RABGAP1L: variants seen among roughly 807,000 people sequenced by gnomAD.
RABGAP1L encodes rab GTPase-activating protein 1-like.
Under a neutral mutation model 137.7 loss-of-function variants are expected in RABGAP1L, and 63 were observed. That is an observed-to-expected ratio of 0.46 (90% confidence interval 0.37 to 0.56). RABGAP1L has a LOEUF of 0.56. Among genes scored for constraint, RABGAP1L ranks in the 20% least tolerant of loss-of-function variants. RABGAP1L has a pLI of 0.00. For missense variants in RABGAP1L, 1,095 were observed against 1,244.0 expected (o/e 0.88, Z 1.80); for synonymous variants, 431 against 433.7 (o/e 0.99, Z 0.08).
At chr1:174,175,992 G>C (rs1325764134) in intron 1 of RABGAP1L, among the ~76,000 whole-genome samples, 1 of 152,100 alleles carries the variant, frequency 6.6e-6, no homozygotes, top group Non-Finnish European at 1.5e-5. Flanking sequence ...CATTGTTTTA[G>C]ATTTTGCAAA....
chr1:174,265,388 A>G (rs1333878094), intron 7 of RABGAP1L, among the ~76,000 whole-genome samples: 1 of 152,134 alleles, frequency 6.6e-6, no homozygotes, highest in Non-Finnish European at 1.5e-5. Context: ...ATATTTTAAA[A>G]TCTGACTGTA....
At chr1:174,656,380 C>T (rs1023631756) in intron 14 of RABGAP1L, among the ~76,000 whole-genome samples, 3 of 151,722 alleles carry the variant, frequency 2.0e-5, no homozygotes, top group African/African-American at 4.8e-5. Flanking sequence ...ATCACTTAAA[C>T]CTGGGAGGCA....
chr1:174,599,205 A>G (rs1293500867), intron 13 of RABGAP1L, among the ~76,000 whole-genome samples: 2 of 152,250 alleles, frequency 1.3e-5, no homozygotes, highest in Non-Finnish European at 2.9e-5. Flanking sequence ...CAAACGAAAA[A>G]GCAGAAGGAA....
chr1:174,613,237 A>G (rs537311879), intron 13 of RABGAP1L, among the ~76,000 whole-genome samples: 4,527 of 151,962 alleles, frequency 0.03, 98 homozygotes, highest in Non-Finnish European at 0.044. Flanking sequence ...AATGTGTCCC[A>G]GAGATTCTGG....
intron 18 of RABGAP1L, among the ~76,000 whole-genome samples, chr1:174,787,393 ACT>A (rs1283875361): frequency 8.2e-6 from 1 of 122,598 alleles, no homozygotes; most frequent in Non-Finnish European, 1.8e-5. Context: ...ACAGAGCAAG[ACT>A]CTGTGTCAAA....
chr1:174,178,848 G>A (rs12087808), intron 1 of RABGAP1L, among the ~76,000 whole-genome samples: 44,788 of 151,992 alleles, frequency 0.29, 7,029 homozygotes, highest in African/African-American at 0.37. Context: ...GGGAGGCAAG[G>A]GAAGGGAGAG....
intron 14 of RABGAP1L, among the ~76,000 whole-genome samples, chr1:174,653,687 G>A (rs1288059984): frequency 6.6e-6 from 1 of 152,204 alleles, no homozygotes; most frequent in African/African-American, 2.4e-5. Context: ...GCTGGGAGCT[G>A]CAGACTGGAG....
At chr1:174,551,702 GA>G (rs952952255) in intron 13 of RABGAP1L, among the ~76,000 whole-genome samples, 15 of 151,318 alleles carry the variant, frequency 9.9e-5, no homozygotes, top group African/African-American at 3.6e-4. Flanking sequence ...AGAAATCGAA[GA>G]AATTGAAAAT....
At chr1:174,493,821 G>GAAA (rs1216753395) in intron 13 of RABGAP1L, among the ~76,000 whole-genome samples, 3,542 of 89,486 alleles carry the variant, frequency 0.04, 88 homozygotes, top group East Asian at 0.14. Flanking sequence ...GACCCTGTCT[G>GAAA]AAAAAAAAAA....
intron 13 of RABGAP1L, among the ~76,000 whole-genome samples, chr1:174,491,738 T>C (rs1660257165): frequency 6.6e-6 from 1 of 152,196 alleles, no homozygotes; most frequent in African/African-American, 2.4e-5. Context: ...TGGCAAGGCT[T>C]GCTGGAACTC....
chr1:174,530,646 C>G (rs1664309034), intron 13 of RABGAP1L, among the ~76,000 whole-genome samples: 1 of 152,148 alleles, frequency 6.6e-6, no homozygotes, highest in Admixed American at 6.5e-5. Context: ...CCCTTCCTTT[C>G]TCCTTGCTTT....
intron 11 of RABGAP1L, among the ~76,000 whole-genome samples, chr1:174,349,853 C>T (rs1408670663): frequency 4.0e-5 from 5 of 125,936 alleles, no homozygotes; most frequent in African/African-American, 6.0e-5. Flanking sequence ...GCTGGCCGGG[C>T]GGGGCGCTGA....
At chr1:174,674,635 T>C (rs1326791798) in intron 14 of RABGAP1L, among the ~76,000 whole-genome samples, 2 of 151,026 alleles carry the variant, frequency 1.3e-5, no homozygotes, top group Non-Finnish European at 3.0e-5. Flanking sequence ...ATGGTATTTC[T>C]AGTTCTAGAT....
chr1:174,704,349 A>G (rs2148531767), intron 17 of RABGAP1L, among the ~76,000 whole-genome samples: 1 of 152,348 alleles, frequency 6.6e-6, no homozygotes, highest in South Asian at 2.1e-4. Context: ...TAAAAATAAG[A>G]TTTAAAAGAT....
chr1:174,651,418 T>C (rs908605758), intron 14 of RABGAP1L, among the ~76,000 whole-genome samples: 3 of 152,168 alleles, frequency 2.0e-5, no homozygotes, highest in African/African-American at 7.2e-5. Context: ...TTGATCTGTC[T>C]AATGTTGACA....
chr1:174,819,151 C>G (rs542739571), intron 19 of RABGAP1L, among the ~76,000 whole-genome samples: 3 of 141,642 alleles, frequency 2.1e-5, no homozygotes, highest in Non-Finnish European at 4.5e-5. Flanking sequence ...TCATTGCATT[C>G]CAGCCCAGGT....
Position 174,167,990 on chromosome 1 carries a change from G to T in RABGAP1L, c.-34+8333G>T, listed in dbSNP as rs546156415. ...TATCTTGCATACATTGATGGCCGGG[G>T]GTGGTGGCCCACACCTGTAATCCCA... is the stretch of plus-strand genomic sequence containing the variant. On this transcript the variant is annotated intron_variant, in intron 1 of 25. Transcript: ENST00000681986. Among the ~76,000 whole-genome samples the T allele has an allele frequency of 4.6e-5, 7 of 152,124 alleles. 1 individual carries two copies. In the South Asian group the frequency reaches 1.5e-3, roughly 32 times the overall value.
Position 174,699,570 on chromosome 1 carries a change from G to A in RABGAP1L, c.1945G>A (p.Asp649Asn), listed in dbSNP as rs1572849800. 3 of 1,611,884 alleles carry A rather than the reference G, an allele frequency of 1.9e-6. No homozygotes were observed. The highest frequency in any genetic ancestry group is 2.5e-6 in the Non-Finnish European group (3 of 1,178,138). The change falls in exon 16 of 26, where the codon GAC becomes AAC. Residue 649 changes from aspartate to asparagine, a missense_variant. This residue lies in a region of RABGAP1L where 315 missense variants were observed against 324.8 expected (regional missense o/e 0.97). Transcript: ENST00000681986. ...AFCVLVKIMY[D>N]YGLRDLYRNN... ...CTGTGTTTTGGTGAAAATCATGTACGACTATGGTTTGAGAGACCTCTACAG... is the reference window on the plus strand; with the variant it reads ...CTGTGTTTTGGTGAAAATCATGTACAACTATGGTTTGAGAGACCTCTACAG...
At chr1:174,554,749 G>A (rs1439935381) in intron 13 of RABGAP1L, among the ~76,000 whole-genome samples, 1 of 152,108 alleles carries the variant, frequency 6.6e-6, no homozygotes, top group African/African-American at 2.4e-5. Context: ...AAATGTTTGT[G>A]GGGGGTGAGT....
Sources: gnomAD v4.1 joint callset for allele counts (sites outside exome capture counted in the v4.1 genomes callset) on GRCh38, gnomAD v4.1.1 for gene constraint, gnomAD v4.1.1 regional missense constraint, MANE v1.5 for transcripts, NCBI Gene and HGNC (gene_info 2026-07-23, HGNC 2026-07-21) for gene names.